Variants in ZFC3H1 observed in about 807,000 individuals in gnomAD.
ZFC3H1 encodes zinc finger C3H1-type containing, also known as zinc finger C3H1 domain-containing protein.
ZFC3H1 carries 71 observed loss-of-function variants against 243.7 expected under a neutral mutation model. The observed-to-expected ratio is 0.29, with a 90% CI of 0.24 to 0.36. The LOEUF is 0.36. Ranked by LOEUF, ZFC3H1 falls within the 10% of genes least tolerant of loss-of-function variation. The pLI, the probability that ZFC3H1 is intolerant of heterozygous loss-of-function variation, is 1.00. For synonymous variants in ZFC3H1, 838 were observed against 813.0 expected (o/e 1.03, Z -0.52); for missense variants, 1,966 against 2,317.1 (o/e 0.85, Z 3.11).
At position 71,630,582 on chromosome 12, in the gene ZFC3H1, T is replaced by C. The variant is rs770340551; in HGVS notation, c.3724+18A>G. On this transcript the variant is annotated intron_variant, in intron 18 of 34. Coordinates refer to ENST00000378743, the MANE Select transcript of ZFC3H1 (RefSeq NM_144982.5). Reference sequence around the variant, plus strand: ...AATTCAATTTTCATTTGGGAGAGAATAGGAAGTCTTTAAAAACCTGCTGAA... The same window carrying C: ...AATTCAATTTTCATTTGGGAGAGAACAGGAAGTCTTTAAAAACCTGCTGAA... 22 of 1,595,420 alleles carry C rather than the reference T, an allele frequency of 1.4e-5. No individual in the cohort carries two copies. The highest frequency in any genetic ancestry group is 3.4e-4 in the Middle Eastern group (2 of 5,800).
intron 2 of ZFC3H1, among the ~76,000 whole-genome samples, chr12:71,656,022 C>G (rs1271719381): frequency 6.6e-6 from 1 of 152,052 alleles, no homozygotes; most frequent in Non-Finnish European, 1.5e-5. Flanking sequence ...ATGAAAGAAG[C>G]TATAATGAAA....
chr12:71,653,996 G>A (rs565084924), intron 2 of ZFC3H1, among the ~76,000 whole-genome samples: 1 of 152,254 alleles, frequency 6.6e-6, no homozygotes, highest in South Asian at 2.1e-4. Context: ...CTGGATGACA[G>A]GGAAAGACTT....
In ZFC3H1 at chr12:71,634,315, C is replaced by G. The variant is rs765362321; in HGVS notation, c.2361-11G>C. The stretch of plus-strand genomic sequence containing the variant: ...CGCTGTTTCTCACGGCTAAAATTAT[C>G]AAAAAGGATATATGCATTACACCCA... On this transcript the variant is annotated splice_polypyrimidine_tract_variant and intron_variant, in intron 11 of 34. Transcript: ENST00000378743. 2.5e-6 allele frequency: 4 copies of G among 1,608,482 alleles called. No individual in the cohort carries two copies. Among genetic ancestry groups the G allele is most frequent in the East Asian group, 4.5e-5 (2 of 44,818 alleles).
At position 71,630,655 on chromosome 12, in the gene ZFC3H1, C is replaced by T. The variant is rs1463010761; in HGVS notation, c.3669G>A (p.Leu1223=). ...TTGTCTCTGCACAACCAATCAAAGA[C>T]AGATTATATGACAGAATGTCCTGGA... ...QLFQDILSYN[L]SLIGCAETST... The change falls in exon 18 of 35, where the codon CTG becomes CTA. Residue 1223 remains leucine, a synonymous_variant. Transcript: ENST00000378743. The T allele has an allele frequency of 1.9e-6, 3 of 1,613,644 alleles. No homozygotes were observed. The highest frequency in any genetic ancestry group is 2.5e-6 in the Non-Finnish European group (3 of 1,179,802).
At chr12:71,623,029 T>C (rs1344271081) in intron 24 of ZFC3H1, among the ~76,000 whole-genome samples, 1 of 144,900 alleles carries the variant, frequency 6.9e-6, no homozygotes, top group South Asian at 2.2e-4. Context: ...AATGGACTGC[T>C]AAAAAAAAAA....
At chr12:71,617,223 T>C (rs1316016300) in intron 27 of ZFC3H1, among the ~76,000 whole-genome samples, 1 of 152,230 alleles carries the variant, frequency 6.6e-6, no homozygotes, top group Non-Finnish European at 1.5e-5. Flanking sequence ...AAAAAACTTA[T>C]ATCAATATAC....
intron 16 of ZFC3H1, 58 bp downstream of exon 16, chr12:71,631,720 A>T: frequency 2.1e-6 from 3 of 1,403,384 alleles, no homozygotes; most frequent in Non-Finnish European, 2.9e-6. Flanking sequence ...TCAAGATAAA[A>T]TATTAAAAAC....
chr12:71,613,321 T>C lies in ZFC3H1; in HGVS notation c.5627+14A>G. The C allele has an allele frequency of 6.3e-7, 1 of 1,595,870 alleles. No individual in the cohort carries two copies. Among genetic ancestry groups the C allele is most frequent in the Non-Finnish European group, 8.6e-7 (1 of 1,169,088 alleles). On this transcript the variant is annotated intron_variant, in intron 31 of 34. Coordinates refer to ENST00000378743, the MANE Select transcript of ZFC3H1 (RefSeq NM_144982.5). ...ATTAGGCAGAGGACCAAAAGAATGT[T>C]AAGTTTTTCTTACCTCAATGCAAGT...
At chr12:71,638,385 A>G (rs763405951) in intron 7 of ZFC3H1, 33 bp downstream of exon 7, 2 of 1,589,470 alleles carry the variant, frequency 1.3e-6, no homozygotes, top group Non-Finnish European at 1.7e-6. Flanking sequence ...AGACAAGACA[A>G]AATAATTTTC....
chr12:71,626,549 G>T, intron 21 of ZFC3H1, 103 bp from the exon 22 acceptor site: 1 of 1,030,824 alleles, frequency 9.7e-7, no homozygotes, highest in East Asian at 2.6e-5. Flanking sequence ...TTTTCTACTA[G>T]AATTTACCAA....
rs1404150142 is a variant in ZFC3H1 at position 71,610,013 on chromosome 12, T to C, written c.*415A>G. The C allele has an allele frequency of 6.5e-6, 1 of 153,344 alleles. No homozygotes were observed. The highest frequency in any genetic ancestry group is 1.9e-4 in the East Asian group (1 of 5,212). 9.5% of individuals were successfully genotyped at this position (153,344 alleles called of 1,614,324 possible). On this transcript the variant is annotated 3_prime_UTR_variant, in exon 35 of 35. Coordinates refer to ENST00000378743, the MANE Select transcript of ZFC3H1 (RefSeq NM_144982.5). ...ACTAAAAGGGACTGCCTGCTTTTTT[T>C]ACTGTAAACACAGCCCTGGATATTA... is the stretch of plus-strand genomic sequence containing the variant.
chr12:71,631,225 T>C (rs180866820), intron 16 of ZFC3H1, among the ~76,000 whole-genome samples: 6 of 152,042 alleles, frequency 3.9e-5, no homozygotes, highest in Non-Finnish European at 7.4e-5. Context: ...CATAATAAAA[T>C]ACTATATAAT....
intron 22 of ZFC3H1, among the ~76,000 whole-genome samples, chr12:71,625,734 A>C (rs1335584176): frequency 6.6e-6 from 1 of 152,172 alleles, no homozygotes; most frequent in East Asian, 1.9e-4. Flanking sequence ...TTGGAGAAAG[A>C]GGAAGAGGCC....
Position 71,637,000 on chromosome 12 carries a change from T to A in ZFC3H1, c.1785A>T (p.Leu595=), listed in dbSNP as rs867818652. 1 of 1,613,868 alleles carries A rather than the reference T, an allele frequency of 6.2e-7. No individual in the cohort carries two copies. Among genetic ancestry groups the A allele is most frequent in the South Asian group, 1.1e-5 (1 of 91,064 alleles). Residue 595 remains leucine, a synonymous_variant, in exon 8 of 35, where the codon CTA becomes CTT. Transcript: ENST00000378743. Reference sequence around the variant, plus strand: ...GAGGTGGTAATGGTGGTAGAGGAGGTAGAGGTTCAAGAGAAACACACAAGC... The same window carrying A: ...GAGGTGGTAATGGTGGTAGAGGAGGAAGAGGTTCAAGAGAAACACACAAGC... The part of the protein sequence containing the change: ...VEGLCVSLEP[L]PPLPPLPPLP...
chr12:71,633,423 T>C lies in ZFC3H1; in HGVS notation c.2526A>G (p.Lys842=). The C allele has an allele frequency of 6.4e-7, 1 of 1,571,352 alleles. No homozygotes were observed. The highest frequency in any genetic ancestry group is 8.6e-7 in the Non-Finnish European group (1 of 1,160,802). ...CTAAATTCTTTAAAACAGATTCATC[T>C]TTCATCAAGAGAATCCTAAATGAGA... is the stretch of plus-strand genomic sequence containing the variant. ...KLKKHRILLM[K]DESVLKNLVQ... The change falls in exon 13 of 35, where the codon AAA becomes AAG. Residue 842 remains lysine (K), a synonymous_variant. Transcript: ENST00000378743.
chr12:71,646,535 C>T (rs1465207585), intron 3 of ZFC3H1, among the ~76,000 whole-genome samples: 2 of 152,220 alleles, frequency 1.3e-5, no homozygotes, highest in African/African-American at 4.8e-5. Context: ...TTCTATTAAA[C>T]AGTACTCATG....
At chr12:71,644,790 C>T in intron 4 of ZFC3H1, 87 bp downstream of exon 4, 1 of 1,464,030 alleles carries the variant, frequency 6.8e-7, no homozygotes, top group Non-Finnish European at 9.2e-7. Context: ...TGTACTCCAG[C>T]CTGGGCGACA....
intron 20 of ZFC3H1, 49 bp downstream of exon 20, chr12:71,628,869 G>T (rs2137531245): frequency 4.6e-6 from 7 of 1,528,036 alleles, no homozygotes; most frequent in Non-Finnish European, 6.1e-6. Context: ...AATAAAGATG[G>T]AACACCACAA....
chr12:71,612,347 G>A (rs942222065), intron 31 of ZFC3H1, among the ~76,000 whole-genome samples: 1 of 152,048 alleles, frequency 6.6e-6, no homozygotes, highest in Non-Finnish European at 1.5e-5. Flanking sequence ...GAGGAAATAA[G>A]TATCAAAACA....
Sources: allele counts gnomAD v4.1 joint callset (sites outside exome capture counted in the v4.1 genomes callset), GRCh38; gene constraint gnomAD v4.1.1; transcripts MANE v1.5; gene names NCBI Gene and HGNC (gene_info 2026-07-23, HGNC 2026-07-21).